The following ST3GAL1 variants were observed in gnomAD, a reference collection of about 807,000 sequenced individuals.
ST3GAL1 encodes ST3 beta-galactoside alpha-2,3-sialyltransferase 1, also known as CMP-N-acetylneuraminate-beta-galactosamide-alpha-2,3-sialyltransferase 1.
A neutral mutation model predicts 34.1 loss-of-function variants in ST3GAL1; 16 were observed. That is an observed-to-expected ratio of 0.47 (90% CI 0.32 to 0.71). The LOEUF (loss-of-function observed/expected upper bound fraction) is 0.71, where lower values mean the gene tolerates loss of function less well. Ranked by LOEUF, ST3GAL1 falls within the 30% of genes least tolerant of loss-of-function variation. The pLI, the probability that ST3GAL1 is intolerant of heterozygous loss-of-function variation, is 0.04. For synonymous variants in ST3GAL1, 191 were observed against 184.7 expected (o/e 1.03, Z -0.28); for missense variants, 353 against 447.4 (o/e 0.79, Z 1.90).
At chr8:133,553,985 G>A (rs1252981342) in intron 1 of ST3GAL1, among the ~76,000 whole-genome samples, 2 of 152,052 alleles carry the variant, frequency 1.3e-5, no homozygotes, top group Non-Finnish European at 2.9e-5. Flanking sequence ...AGGTGTCCGG[G>A]GCCTTATTGC....
At chr8:133,497,531 C>T (rs997120850) in intron 3 of ST3GAL1, among the ~76,000 whole-genome samples, 61 of 132,126 alleles carry the variant, frequency 4.6e-4, no homozygotes, top group African/African-American at 1.7e-3. Context: ...AGTGCACGGG[C>T]GCAATCTCGG....
chr8:133,565,013 T>G (rs561617675), intron 1 of ST3GAL1, among the ~76,000 whole-genome samples: 7 of 152,268 alleles, frequency 4.6e-5, no homozygotes, highest in Non-Finnish European at 8.8e-5. Context: ...AAATGTGGGC[T>G]CCCACCAGCT....
intron 2 of ST3GAL1, among the ~76,000 whole-genome samples, chr8:133,513,440 G>C (rs193050107): frequency 7.2e-5 from 11 of 152,254 alleles, no homozygotes; most frequent in African/African-American, 2.4e-4. Context: ...AGTACGGAAG[G>C]CCTCCCATAT....
chr8:133,478,358 G>C (rs993048081), intron 3 of ST3GAL1, among the ~76,000 whole-genome samples: 1 of 152,152 alleles, frequency 6.6e-6, no homozygotes, highest in Non-Finnish European at 1.5e-5. Context: ...ACTTTCTTTT[G>C]CTCTGGCTGG....
chr8:133,463,998 T>C (rs1187199587), intron 7 of ST3GAL1, among the ~76,000 whole-genome samples: 1 of 123,844 alleles, frequency 8.1e-6, no homozygotes, highest in Non-Finnish European at 1.6e-5. Context: ...TCACTCCCGG[T>C]CTCCTGAGGG....
chr8:133,560,049 C>T (rs1819171357), intron 1 of ST3GAL1, among the ~76,000 whole-genome samples: 1 of 152,166 alleles, frequency 6.6e-6, no homozygotes, highest in South Asian at 2.1e-4. Flanking sequence ...TTCTGTGGCA[C>T]TGCAGGGTGG....
intron 3 of ST3GAL1, among the ~76,000 whole-genome samples, chr8:133,495,000 C>A (rs370744580): frequency 1.4e-5 from 2 of 146,124 alleles, no homozygotes; most frequent in East Asian, 4.3e-4. Context: ...CTCACTGCAA[C>A]CTTCACCTCC....
rs760427810 is a variant in ST3GAL1, at chr8:133,540,836, G to GAGAGACATATATATAGAGACATATATAT, written c.-429+4910_-429+4937dup. ...ACATATATATATAGACATATATATAGAGAGACATATATATAGAGACATATA... is the reference window on the plus strand; with the variant it reads ...ACATATATATATAGACATATATATAGAGAGACATATATATAGAGACATATATATAGAGACATATATATAGAGACATATA... On this transcript the variant is annotated intron_variant, in intron 2 of 9. Coordinates refer to ENST00000522652, the MANE Select transcript of ST3GAL1 (RefSeq NM_173344.3). 1.0e-4 allele frequency among the ~76,000 whole-genome samples: 5 copies of GAGAGACATATATATAGAGACATATATAT among 48,376 alleles called. 1 individual carries two copies. Among genetic ancestry groups the GAGAGACATATATATAGAGACATATATAT allele is most frequent in the Admixed American group, 2.3e-4 (1 of 4,378 alleles). 31.7% of individuals were successfully genotyped at this position (48,376 alleles called of 152,430 possible). A position where few individuals can be genotyped will look rare whatever the true frequency, so the allele number is the denominator to read the frequency against.
intron 1 of ST3GAL1, among the ~76,000 whole-genome samples, chr8:133,560,907 G>C (rs17665855): frequency 0.27 from 41,097 of 152,022 alleles, 7,046 homozygotes; most frequent in Non-Finnish European, 0.38. Context: ...ACTTTACAGA[G>C]AGTCACTGTA....
intron 7 of ST3GAL1, among the ~76,000 whole-genome samples, chr8:133,464,565 A>G (rs1815652826): frequency 6.6e-6 from 1 of 152,214 alleles, no homozygotes; most frequent in South Asian, 2.1e-4. Flanking sequence ...TGTTAGCAAG[A>G]GGACACTAAA....
chr8:133,500,005 A>AAG (rs1817096983), intron 2 of ST3GAL1, among the ~76,000 whole-genome samples: 1 of 152,226 alleles, frequency 6.6e-6, no homozygotes, highest in African/African-American at 2.4e-5. Flanking sequence ...GAGAGACGTG[A>AAG]ATCTAAGACT....
chr8:133,473,430 A>C (rs1265273654), intron 5 of ST3GAL1, among the ~76,000 whole-genome samples: 1 of 152,144 alleles, frequency 6.6e-6, no homozygotes, highest in African/African-American at 2.4e-5. Context: ...TGTTTGGTTT[A>C]TATAAACAGG....
chr8:133,562,334 C>T (rs1021959147), intron 1 of ST3GAL1, among the ~76,000 whole-genome samples: 8 of 151,802 alleles, frequency 5.3e-5, no homozygotes, highest in African/African-American at 1.7e-4. Context: ...CTCAGCCTCC[C>T]GAGTAGCTGG....
chr8:133,513,447 A>G (rs1485151730), intron 2 of ST3GAL1, among the ~76,000 whole-genome samples: 1 of 152,208 alleles, frequency 6.6e-6, no homozygotes, highest in Non-Finnish European at 1.5e-5. Context: ...AAGGCCTCCC[A>G]TATTTATATA....
intron 1 of ST3GAL1, among the ~76,000 whole-genome samples, chr8:133,546,445 T>C (rs1818672829): frequency 7.0e-6 from 1 of 141,894 alleles, no homozygotes; most frequent in Non-Finnish European, 1.5e-5. Flanking sequence ...ATCGTGCCAC[T>C]GCACTCCAGC....
intron 1 of ST3GAL1, among the ~76,000 whole-genome samples, chr8:133,546,277 G>A (rs751147944): frequency 1.3e-5 from 2 of 152,196 alleles, no homozygotes; most frequent in Non-Finnish European, 2.9e-5. Context: ...GAGGTCAGGA[G>A]TTCATCACCA....
chr8:133,565,329 G>T (rs969506386), intron 1 of ST3GAL1, among the ~76,000 whole-genome samples: 4 of 152,174 alleles, frequency 2.6e-5, no homozygotes, highest in African/African-American at 9.7e-5. Flanking sequence ...GGACAGAGGA[G>T]AGCAAGGTTG....
At position 133,485,801 on chromosome 8, in the gene ST3GAL1, GA is replaced by G. The variant is rs1816569394; in HGVS notation, c.-373-9202del. ...AGAGGGTGGAGCTTTGGGGGGGATA[GA>G]AGGTCGGGAGTTGGTTTAGCTGCTG... is the stretch of plus-strand genomic sequence containing the variant. On this transcript the variant is annotated intron_variant, in intron 3 of 9. Coordinates refer to ENST00000522652, the MANE Select transcript of ST3GAL1 (RefSeq NM_173344.3). 3.3e-5 allele frequency among the ~76,000 whole-genome samples: 5 copies of G among 152,224 alleles called. No individual in the cohort carries two copies. In the South Asian group the frequency reaches 1.0e-3, roughly 32 times the overall value.
At chr8:133,542,073 G>A (rs543833127) in intron 2 of ST3GAL1, among the ~76,000 whole-genome samples, 1 of 151,444 alleles carries the variant, frequency 6.6e-6, no homozygotes, top group East Asian at 2.0e-4. Flanking sequence ...GTATATAAAT[G>A]TGGGTATCTG....
Sources: allele counts gnomAD v4.1 joint callset (sites outside exome capture counted in the v4.1 genomes callset), GRCh38; gene constraint gnomAD v4.1.1; transcripts MANE v1.5; gene names NCBI Gene and HGNC (gene_info 2026-07-23, HGNC 2026-07-21).